Variants in IL17F observed in about 807,000 individuals in gnomAD.
The protein encoded by IL17F is interleukin-17F.
Under a neutral mutation model 8.3 loss-of-function variants are expected in IL17F, and 6 were observed. That is an observed-to-expected ratio of 0.73 (90% CI 0.40 to 1.43). The LOEUF (loss-of-function observed/expected upper bound fraction) is 1.43, where lower values mean the gene tolerates loss of function less well. Ranked by LOEUF, IL17F falls within the 40% of genes most tolerant of loss-of-function variation. The pLI, the probability that IL17F is intolerant of heterozygous loss-of-function variation, is 0.02. For missense variants in IL17F, 204 were observed against 209.6 expected (o/e 0.97, Z 0.17); for synonymous variants, 98 against 81.6 (o/e 1.20, Z -1.08).
intron 1 of IL17F, 22 bp downstream of exon 1, chr6:52,244,375 C>A: frequency 6.2e-7 from 1 of 1,612,210 alleles, no homozygotes; most frequent in South Asian, 1.1e-5. Context: ...GTCCTTAAAC[C>A]AGAATGATTG....
At chr6:52,238,147 A>G (rs1454533090) in intron 2 of IL17F, among the ~76,000 whole-genome samples, 1 of 152,228 alleles carries the variant, frequency 6.6e-6, no homozygotes, top group Non-Finnish European at 1.5e-5. Context: ...ATGAGAAGCT[A>G]TGTGACAACC....
At chr6:52,243,572 G>A (rs1451272629) in intron 1 of IL17F, among the ~76,000 whole-genome samples, 1 of 152,180 alleles carries the variant, frequency 6.6e-6, no homozygotes, top group Non-Finnish European at 1.5e-5. Flanking sequence ...TGGTTAAAAT[G>A]TATATGTACA....
In IL17F at chr6:52,237,109, A is replaced by G. The variant is rs750479457; in HGVS notation, c.314T>C (p.Leu105Ser). ...SEVVQAQCRN[L>S]GCINAQGKED... is the part of the protein sequence containing the mutation. ...CTTTCCTTGAGCATTGATGCAGCCC[A>G]AGTTCCTACACTGGGCCTGTACAAC... is the stretch of plus-strand genomic sequence containing the variant. Residue 105 changes from leucine to serine, a missense_variant, in exon 3 of 3, where the codon TTG (leucine) becomes TCG (serine). By Grantham distance (145) the Leu-to-Ser change is moderately radical. Transcript: ENST00000336123. The G allele has an allele frequency of 6.2e-7, 1 of 1,614,192 alleles. No individual in the cohort carries two copies.
intron 1 of IL17F, among the ~76,000 whole-genome samples, chr6:52,240,867 G>A (rs1435392764): frequency 6.8e-6 from 1 of 147,574 alleles, no homozygotes; most frequent in Non-Finnish European, 1.5e-5. Context: ...ACTCTTAGAA[G>A]CGATGACTCT....
chr6:52,238,793 T>G lies in IL17F; in HGVS notation c.191A>C (p.Glu64Ala), dbSNP rs1191571928. Residue 64 changes from glutamate (E) to alanine (A), a missense_variant, in exon 2 of 3, where the codon GAA becomes GCA. Physicochemically the swap from Glu to Ala is moderately radical, Grantham distance 107. Transcript: ENST00000336123. ...ACGTGACATGGAAACGCGCTGGTTT[T>G]CATTGATGATGCCAATGTCAAGCTT... ...SMKLDIGIIN[E>A]NQRVSMSRNI... The G allele has an allele frequency of 1.2e-6, 2 of 1,614,116 alleles. No individual in the cohort carries two copies. Among genetic ancestry groups the G allele is most frequent in the African/African-American group, 2.7e-5 (2 of 74,950 alleles).
chr6:52,237,423 T>G (rs1016949763), intron 2 of IL17F, among the ~76,000 whole-genome samples: 6 of 152,170 alleles, frequency 3.9e-5, no homozygotes, highest in Non-Finnish European at 8.8e-5. Flanking sequence ...GAATACTCAG[T>G]GATACAAGTA....
At chr6:52,239,987 G>A (rs551691211) in intron 1 of IL17F, among the ~76,000 whole-genome samples, 13 of 152,204 alleles carry the variant, frequency 8.5e-5, no homozygotes, top group East Asian at 1.9e-4. Flanking sequence ...ATAGGAATGC[G>A]CAAAGAATGA....
intron 1 of IL17F, among the ~76,000 whole-genome samples, chr6:52,242,885 A>G (rs1764097443): frequency 6.6e-6 from 1 of 152,222 alleles, no homozygotes; most frequent in South Asian, 2.1e-4. Flanking sequence ...TTAAGCATAC[A>G]CAAATCTGCC....
chr6:52,243,435 G>C (rs1764105624), intron 1 of IL17F, among the ~76,000 whole-genome samples: 1 of 152,144 alleles, frequency 6.6e-6, no homozygotes, highest in Non-Finnish European at 1.5e-5. Flanking sequence ...ATAGCAATCA[G>C]AGACATGGGA....
At position 52,238,930 on chromosome 6, in the gene IL17F, C is replaced by T. The variant is rs772321235; in HGVS notation, c.54G>A (p.Ser18=). ...GPAMVKYLLL[S]ILGLAFLSEA... is the part of the protein sequence containing the mutation. Reference sequence around the variant, plus strand: ...CACTCAGAAAGGCAAGCCCCAATATCGACAGCAGCAAGTACTTGACCTGGA... The same window carrying T: ...CACTCAGAAAGGCAAGCCCCAATATTGACAGCAGCAAGTACTTGACCTGGA... Residue 18 remains serine, a synonymous_variant, in exon 2 of 3, where the codon TCG becomes TCA. Transcript: ENST00000336123. The T allele has an allele frequency of 8.4e-5, 135 of 1,613,244 alleles. No individual in the cohort carries two copies. The highest frequency in any genetic ancestry group is 1.1e-4 in the Non-Finnish European group (127 of 1,179,876).
intron 1 of IL17F, among the ~76,000 whole-genome samples, chr6:52,241,496 T>C (rs1173626322): frequency 6.6e-6 from 1 of 152,212 alleles, no homozygotes; most frequent in Non-Finnish European, 1.5e-5. Flanking sequence ...TGTTTTCTCT[T>C]TCCTCTTCTG....
chr6:52,244,554 G>A (rs1215382316), upstream of IL17F: 2 of 914,522 alleles, frequency 2.2e-6, no homozygotes, highest in African/African-American at 3.3e-5. Context: ...TGTTTCGATT[G>A]ACCTGCTTAC....
intron 1 of IL17F, among the ~76,000 whole-genome samples, chr6:52,242,634 C>G (rs1488420898): frequency 6.6e-6 from 1 of 152,186 alleles, no homozygotes; most frequent in Non-Finnish European, 1.5e-5. Context: ...TATGTGGAGA[C>G]AGAAAGCTTA....
intron 1 of IL17F, among the ~76,000 whole-genome samples, chr6:52,241,724 C>T (rs990488899): frequency 6.6e-6 from 1 of 152,132 alleles, no homozygotes; most frequent in Non-Finnish European, 1.5e-5. Flanking sequence ...TATTAATTAT[C>T]CCAATTAGAC....
In IL17F at chr6:52,236,850, G is replaced by T; in HGVS notation, c.*81C>A. 9.4e-7 allele frequency: 1 copy of T among 1,065,846 alleles called. No homozygotes were observed. 66.0% of individuals were successfully genotyped at this position (1,065,846 alleles called of 1,614,324 possible). ...AGTCCTGTGAAGTGGAGGGAATTGG[G>T]GGTCAGACAGGACTTGTTGCAGAGC... is the stretch of plus-strand genomic sequence containing the variant. On this transcript the variant is annotated 3_prime_UTR_variant, in exon 3 of 3. Coordinates refer to ENST00000336123, the MANE Select transcript of IL17F (RefSeq NM_052872.4).
chr6:52,238,967 G>A lies in IL17F; in HGVS notation c.34-17C>T, dbSNP rs762219876. 1.1e-4 allele frequency: 184 copies of A among 1,606,762 alleles called. No individual in the cohort carries two copies. Among genetic ancestry groups the A allele is most frequent in the Non-Finnish European group, 1.5e-4 (179 of 1,174,862 alleles). On this transcript the variant is annotated splice_polypyrimidine_tract_variant and intron_variant, in intron 1 of 2. Transcript: ENST00000336123. ...GTACTTGACCTGGAAAATAGAAGAC[G>A]CTGCAATCAGTTAGAGACTCGCCTC...
At chr6:52,243,933 TG>T (rs1399415607) in intron 1 of IL17F, among the ~76,000 whole-genome samples, 4 of 152,206 alleles carry the variant, frequency 2.6e-5, no homozygotes, top group African/African-American at 9.6e-5. Flanking sequence ...AGCTAATTTT[TG>T]TATTTTTAGT....
rs775184787 is a variant in IL17F at position 52,237,150 on chromosome 6, G to A, written c.273C>T (p.Asn91=). The change falls in exon 3 of 3, where the codon AAC becomes AAT. Residue 91 remains asparagine (N), a synonymous_variant. Transcript: ENST00000336123. The part of the protein sequence containing the change: ...PWNYTVTWDP[N]RYPSEVVQAQ... ...CCTGTACAACTTCCGAGGGGTACCG[G>A]TTGGGGTCCCAAGTGACACTGCAGG... 25 of 1,613,838 alleles carry A rather than the reference G, an allele frequency of 1.5e-5. No individual in the cohort carries two copies. In the Admixed American group the frequency reaches 3.3e-4, roughly 22 times the overall value.
intron 1 of IL17F, among the ~76,000 whole-genome samples, chr6:52,240,438 G>GAAAA (rs34052816): frequency 1.0e-5 from 1 of 96,360 alleles, no homozygotes. Context: ...CTCCTGCTTG[G>GAAAA]AAAAAAAAAA....
Sources: gnomAD v4.1 joint callset for allele counts (sites outside exome capture counted in the v4.1 genomes callset) on GRCh38, gnomAD v4.1.1 for gene constraint, MANE v1.5 for transcripts, NCBI Gene and HGNC (gene_info 2026-07-23, HGNC 2026-07-21) for gene names.